Variants in PDE3B observed in about 807,000 individuals in gnomAD.
PDE3B encodes phosphodiesterase 3B.
In PDE3B, 66 loss-of-function variants were observed where a neutral mutation model predicts 116.8. The ratio of observed to expected loss-of-function variants is 0.56; its 90% confidence interval spans 0.46 to 0.69. PDE3B has a LOEUF of 0.69. Among genes scored for constraint, PDE3B ranks in the 30% least tolerant of loss-of-function variants. The pLI, the probability that PDE3B is intolerant of heterozygous loss-of-function variation, is 0.00. For missense variants in PDE3B, 1,384 were observed against 1,368.1 expected, an observed-to-expected ratio of 1.01 and a Z score of -0.18; for synonymous variants, 595 against 533.6, an observed-to-expected ratio of 1.12 and a Z score of -1.59.
At chr11:14,731,165 T>TG (rs1856445827) in intron 1 of PDE3B, among the ~76,000 whole-genome samples, 2 of 152,116 alleles carry the variant, frequency 1.3e-5, no homozygotes, top group Non-Finnish European at 2.9e-5. Context: ...TTTAGAATGT[T>TG]GGGGATATTT....
rs782455406 is a variant in PDE3B, at chr11:14,861,202, T to C, written c.2725-3T>C. On this transcript the variant is annotated splice_polypyrimidine_tract_variant and splice_region_variant and intron_variant, in intron 13 of 15. Transcript: ENST00000282096. ...CTAAAATGATGTTGTTTTTCCAAAATAGGCAAATGATGTAAATAGTAATGG... is the reference window on the plus strand; with the variant it reads ...CTAAAATGATGTTGTTTTTCCAAAACAGGCAAATGATGTAAATAGTAATGG... The C allele has an allele frequency of 1.6e-5, 25 of 1,602,134 alleles. No homozygotes were observed. In the Admixed American group the frequency reaches 2.4e-4, roughly 15 times the overall value.
chr11:14,769,554 AGT>A (rs1339796014), intron 1 of PDE3B, among the ~76,000 whole-genome samples: 2 of 149,300 alleles, frequency 1.3e-5, no homozygotes, highest in Admixed American at 1.3e-4. Flanking sequence ...ACTTTTTATC[AGT>A]GTTTCTCCAC....
At chr11:14,845,256 C>T (rs1228114487) in intron 12 of PDE3B, among the ~76,000 whole-genome samples, 3 of 152,094 alleles carry the variant, frequency 2.0e-5, no homozygotes, top group Non-Finnish European at 4.4e-5. Flanking sequence ...TAGCAAACTC[C>T]AACAGACCTG....
chr11:14,810,553 C>A (rs1201673107), intron 5 of PDE3B, among the ~76,000 whole-genome samples: 9 of 151,932 alleles, frequency 5.9e-5, no homozygotes, highest in African/African-American at 9.7e-5. Context: ...ACATTTTCTT[C>A]ATCCAGTCTA....
chr11:14,742,305 C>G (rs1270928111), intron 1 of PDE3B, among the ~76,000 whole-genome samples: 1 of 152,142 alleles, frequency 6.6e-6, no homozygotes, highest in Non-Finnish European at 1.5e-5. Context: ...TCTGTTTTCT[C>G]TAATCTTCTT....
intron 1 of PDE3B, among the ~76,000 whole-genome samples, chr11:14,746,206 C>A (rs1425681904): frequency 2.0e-5 from 3 of 152,034 alleles, no homozygotes; most frequent in African/African-American, 4.8e-5. Flanking sequence ...CCAGCCTGGC[C>A]AACATGGTGA....
At chr11:14,728,876 T>C (rs1162986559) in intron 1 of PDE3B, among the ~76,000 whole-genome samples, 3 of 152,178 alleles carry the variant, frequency 2.0e-5, no homozygotes, top group Non-Finnish European at 4.4e-5. Flanking sequence ...CAGAGTTCTG[T>C]AGAATAATTA....
rs535455352 is a variant in PDE3B, at chr11:14,847,588, C to T, written c.2520+3562C>T. On this transcript the variant is annotated intron_variant, in intron 12 of 15. Transcript: ENST00000282096. ...GAAAGGATCAACAAAATTGATAGAC[C>T]GCTAGCAAGACTAATAAAGAAAAGA... Among the ~76,000 whole-genome samples, 306 of 151,860 alleles carry T rather than the reference C, an allele frequency of 2.0e-3. 8 individuals are homozygous for T. Among genetic ancestry groups the T allele is most frequent in the Admixed American group, 1.4e-3 (22 of 15,254 alleles).
chr11:14,677,550 A>G (rs1487616795), intron 1 of PDE3B, among the ~76,000 whole-genome samples: 1 of 152,210 alleles, frequency 6.6e-6, no homozygotes, highest in Non-Finnish European at 1.5e-5. Flanking sequence ...TAAAAAATTA[A>G]CAGAGTAAAA....
At chr11:14,709,349 T>C (rs949935713) in intron 1 of PDE3B, among the ~76,000 whole-genome samples, 1 of 152,168 alleles carries the variant, frequency 6.6e-6, no homozygotes, top group Non-Finnish European at 1.5e-5. Context: ...ACATTTTTTT[T>C]CACATTAAAA....
chr11:14,759,794 G>A (rs1857304503), intron 1 of PDE3B, among the ~76,000 whole-genome samples: 2 of 151,978 alleles, frequency 1.3e-5, no homozygotes, highest in South Asian at 2.1e-4. Flanking sequence ...TGATCTGCCC[G>A]CCTTGGCCTC....
At chr11:14,817,962 AG>A in intron 5 of PDE3B, among the ~76,000 whole-genome samples, 1 of 152,288 alleles carries the variant, frequency 6.6e-6, no homozygotes. Flanking sequence ...TTACCCAACA[AG>A]GGGTGTTTAC....
chr11:14,873,879 C>T (rs974269355), downstream of PDE3B, among the ~76,000 whole-genome samples: 2 of 152,158 alleles, frequency 1.3e-5, no homozygotes, highest in Non-Finnish European at 2.9e-5. Context: ...CTCGCCATAT[C>T]ACTACACAGA....
rs933684503 is a variant in PDE3B at position 14,819,646 on chromosome 11, C to T, written c.1807+437C>T. On this transcript the variant is annotated intron_variant, in intron 7 of 15. Transcript: ENST00000282096. ...GATGAAATTATAGTTGTTTTATAAC[C>T]TTAAAATTTGATGACTCAAACTACC... Among the ~76,000 whole-genome samples, 6 of 152,038 alleles carry T rather than the reference C, an allele frequency of 3.9e-5. No homozygotes were observed. The East Asian group carries it at 1.2e-3, about 29-fold the overall frequency.
chr11:14,744,525 A>G (rs1856854053), intron 1 of PDE3B, among the ~76,000 whole-genome samples: 1 of 152,186 alleles, frequency 6.6e-6, no homozygotes, highest in South Asian at 2.1e-4. Flanking sequence ...GTTTATTACC[A>G]AGTATTTTAT....
At chr11:14,838,494 C>T (rs1860130386) in intron 11 of PDE3B, among the ~76,000 whole-genome samples, 1 of 152,106 alleles carries the variant, frequency 6.6e-6, no homozygotes, top group African/African-American at 2.4e-5. Flanking sequence ...TTGTATTCCC[C>T]AAATCCTGCT....
chr11:14,744,810 C>A (rs1856866219), intron 1 of PDE3B, among the ~76,000 whole-genome samples: 1 of 152,070 alleles, frequency 6.6e-6, no homozygotes, highest in South Asian at 2.1e-4. Flanking sequence ...GCATTAGGGA[C>A]ATGAAATAAC....
intron 1 of PDE3B, among the ~76,000 whole-genome samples, chr11:14,658,357 G>A (rs1038319455): frequency 1.3e-5 from 2 of 151,794 alleles, no homozygotes; most frequent in Non-Finnish European, 1.5e-5. Flanking sequence ...TTTGCTTGTC[G>A]CCTTTCTTTT....
Position 14,735,314 on chromosome 11 carries a change from A to G in PDE3B, c.979-36623A>G, listed in dbSNP as rs572629777. On this transcript the variant is annotated intron_variant, in intron 1 of 15. Coordinates refer to ENST00000282096, the MANE Select transcript of PDE3B (RefSeq NM_000922.4). ...AGAGGAATGTGATACAAAGGGAGAA[A>G]TAAAACCTTTGAATCTTGGAGCTAT... is the stretch of plus-strand genomic sequence containing the variant. Among the ~76,000 whole-genome samples the G allele has an allele frequency of 2.0e-4, 31 of 152,350 alleles. No individual in the cohort carries two copies. The South Asian group carries it at 6.2e-3, about 31-fold the overall frequency.
Sources: allele counts gnomAD v4.1 joint callset (sites outside exome capture counted in the v4.1 genomes callset), GRCh38; gene constraint gnomAD v4.1.1; transcripts MANE v1.5; gene names NCBI Gene and HGNC (gene_info 2026-07-23, HGNC 2026-07-21).